The following IL4I1 variants were observed in gnomAD, a reference collection of about 807,000 sequenced individuals.
IL4I1 encodes interleukin 4 induced 1, also known as L-amino-acid oxidase.
A neutral mutation model predicts 29.7 loss-of-function variants in IL4I1; 24 were observed. That is an observed-to-expected ratio of 0.81 (90% CI 0.59 to 1.14). The LOEUF (loss-of-function observed/expected upper bound fraction) is 1.14. Among genes scored for constraint, IL4I1 ranks in the 50% most tolerant of loss-of-function variants. IL4I1 has a pLI of 0.00. For missense variants in IL4I1, 686 were observed against 785.6 expected (o/e 0.87, Z 1.52); for synonymous variants, 371 against 352.5 (o/e 1.05, Z -0.59).
intron 1 of IL4I1, 76 bp downstream of exon 1, chr19:49,896,759 A>G (rs2075216937): frequency 1.1e-5 from 10 of 896,834 alleles, no homozygotes; most frequent in Non-Finnish European, 1.3e-5. Flanking sequence ...TCATCTCCCC[A>G]GCTCCTGACT....
intron 1 of IL4I1, among the ~76,000 whole-genome samples, 195 bp downstream of exon 1, chr19:49,896,640 G>C (rs1486702213): frequency 1.3e-5 from 2 of 152,034 alleles, no homozygotes; most frequent in African/African-American, 4.8e-5. Flanking sequence ...CGCCATGTTG[G>C]CCAGGCTGGT....
chr19:49,920,847 C>T (rs367630519), intron 2 of IL4I1, among the ~76,000 whole-genome samples: 16 of 152,264 alleles, frequency 1.1e-4, no homozygotes, highest in East Asian at 1.9e-4. Context: ...GGGGGAGGAA[C>T]GGCGCACACC....
chr19:49,895,193 G>A lies in IL4I1; in HGVS notation c.253-13C>T, dbSNP rs756871280. The stretch of plus-strand genomic sequence containing the variant: ...CCAGGATGGTGACCTGAGGGAGTCC[G>A]TGGGGCGAGGAGGGCCCTTCAGCTC... On this transcript the variant is annotated splice_polypyrimidine_tract_variant and intron_variant, in intron 3 of 7. Transcript: ENST00000391826. 23 of 1,607,574 alleles carry A rather than the reference G, an allele frequency of 1.4e-5. No homozygotes were observed. The South Asian group carries it at 2.0e-4, about 14-fold the overall frequency.
At chr19:49,914,781 C>A (rs111928045) in intron 2 of IL4I1, among the ~76,000 whole-genome samples, 1 of 136,876 alleles carries the variant, frequency 7.3e-6, no homozygotes, top group Non-Finnish European at 1.5e-5. Context: ...GCTCTGCCAC[C>A]CAGGCTGGAG....
rs1381949729 is a variant in IL4I1 at position 49,889,769 on chromosome 19, G to T, written c.1605C>A (p.Ser535Arg). Residue 535 changes from serine to arginine, a missense_variant, in exon 8 of 8, where the codon AGC becomes AGA. By Grantham distance (110) the Ser-to-Arg change is moderately radical (BLOSUM62 -1). Coordinates refer to ENST00000391826, the MANE Select transcript of IL4I1 (RefSeq NM_152899.2). The part of the protein sequence containing the change: ...EGQGHVHGVA[S>R]SPSHDLAKEE... ...CCTTTGCCAGGTCATGCGAGGGGCT[G>T]CTGGCCACCCCATGCACATGCCCCT... The T allele has an allele frequency of 2.0e-6, 3 of 1,525,482 alleles. No homozygotes were observed. The highest frequency in any genetic ancestry group is 2.6e-6 in the Non-Finnish European group (3 of 1,136,814). The allele number at this position is 1,525,482 out of a possible 1,614,324, so 94.5% of individuals were successfully genotyped here. A position where few individuals can be genotyped will look rare whatever the true frequency, so the allele number is the denominator to read the frequency against.
At chr19:49,900,352 C>T (rs2075260841), upstream of IL4I1, among the ~76,000 whole-genome samples, 1 of 152,172 alleles carries the variant, frequency 6.6e-6, no homozygotes. Context: ...GTGGTGTGAT[C>T]TCAGTTCACT....
Position 49,891,063 on chromosome 19 carries a change from C to T in IL4I1, c.681G>A (p.Gln227=). Residue 227 remains glutamine, a synonymous_variant, in exon 7 of 8, where the codon CAG becomes CAA. Coordinates refer to ENST00000391826, the MANE Select transcript of IL4I1 (RefSeq NM_152899.2). ...CCTCGGACATCACGTCTCCCAGAAG[C>T]TGCACGGCCGGCCGGCTCAGGTTCC... ...GEGNLSRPAV[Q]LLGDVMSEDG... The T allele has an allele frequency of 6.8e-6, 11 of 1,613,620 alleles. No homozygotes were observed. Among genetic ancestry groups the T allele is most frequent in the Non-Finnish European group, 9.3e-6 (11 of 1,179,966 alleles).
chr19:49,925,580 T>G (rs534511494), intron 2 of IL4I1, among the ~76,000 whole-genome samples: 100 of 152,210 alleles, frequency 6.6e-4, no homozygotes, highest in South Asian at 1.7e-3. Flanking sequence ...GTCAAGGTCA[T>G]GAAGGACAAG....
chr19:49,890,929 G>GGGCCCCC, intron 7 of IL4I1, 42 bp downstream of exon 7: 3 of 454,452 alleles, frequency 6.6e-6, no homozygotes, highest in Non-Finnish European at 1.1e-5. Flanking sequence ...TTCCCTGATT[G>GGGCCCCC]CCCCCCGCCC....
chr19:49,892,631 C>G (rs189256068), intron 5 of IL4I1, among the ~76,000 whole-genome samples: 1 of 152,332 alleles, frequency 6.6e-6, no homozygotes, highest in East Asian at 1.9e-4. Context: ...TCGAATCTCA[C>G]CCCCTCCCAG....
At chr19:49,920,266 A>G (rs924300882) in intron 2 of IL4I1, among the ~76,000 whole-genome samples, 1 of 152,208 alleles carries the variant, frequency 6.6e-6, no homozygotes, top group Non-Finnish European at 1.5e-5. Context: ...TATTTTTAGT[A>G]GAGACGGGGT....
At chr19:49,897,641 C>T (rs951931041), upstream of IL4I1, among the ~76,000 whole-genome samples, 10 of 152,288 alleles carry the variant, frequency 6.6e-5, no homozygotes, top group South Asian at 2.1e-4. Flanking sequence ...CAGAGGGAAG[C>T]GCCCAGGCTT....
intron 7 of IL4I1, 107 bp from the exon 8 acceptor site, chr19:49,890,707 G>T: frequency 2.4e-6 from 2 of 834,928 alleles, no homozygotes; most frequent in East Asian, 3.6e-5. Context: ...GCACCGGCCC[G>T]CTCCCCCGTC....
At chr19:49,913,785 G>T (rs2075545746) in intron 2 of IL4I1, among the ~76,000 whole-genome samples, 1 of 152,182 alleles carries the variant, frequency 6.6e-6, no homozygotes. Context: ...GTGGTCTTGG[G>T]GACTGTGGGC....
upstream of IL4I1, among the ~76,000 whole-genome samples, chr19:49,897,175 G>A (rs1266746203): frequency 2.0e-5 from 3 of 152,188 alleles, no homozygotes; most frequent in Non-Finnish European, 4.4e-5. Context: ...CTGATCACCA[G>A]GCCACTTGTT....
chr19:49,890,928 T>TGGGGGG, intron 7 of IL4I1, 43 bp downstream of exon 7: 4 of 633,144 alleles, frequency 6.3e-6, no homozygotes, highest in Non-Finnish European at 4.9e-6. Context: ...TTTCCCTGAT[T>TGGGGGG]GCCCCCCGCC....
At chr19:49,905,251 A>C (rs1490954690) in intron 2 of IL4I1, among the ~76,000 whole-genome samples, 1 of 152,270 alleles carries the variant, frequency 6.6e-6, no homozygotes. Flanking sequence ...AAATTTTCTC[A>C]TCATGATTGT....
intron 2 of IL4I1, among the ~76,000 whole-genome samples, chr19:49,920,617 A>G (rs1186090133): frequency 1.3e-5 from 2 of 152,218 alleles, no homozygotes; most frequent in Non-Finnish European, 2.9e-5. Context: ...TCAGGCTCAG[A>G]GCTGACTTTA....
In IL4I1 at chr19:49,921,193, T is replaced by G. The variant is rs995168714; in HGVS notation, c.-228+6501A>C. ...GCAATGTGACGAAGCGAAACTATCATGGCTCCCATTTATAAATGAGCAAAC... is the reference window on the plus strand; with the variant it reads ...GCAATGTGACGAAGCGAAACTATCAGGGCTCCCATTTATAAATGAGCAAAC... On this transcript the variant is annotated intron_variant, in intron 2 of 9. Transcript: ENST00000341114. This position sits in a 1 kb window ranked among gnomAD's most constrained non-coding sequence, Gnocchi z 5.4. Among the ~76,000 whole-genome samples, 2 of 152,152 alleles carry G rather than the reference T, an allele frequency of 1.3e-5. No individual in the cohort carries two copies. The highest frequency in any genetic ancestry group is 4.8e-5 in the African/African-American group (2 of 41,436).
Sources: allele counts gnomAD v4.1 joint callset (sites outside exome capture counted in the v4.1 genomes callset), GRCh38; gene constraint gnomAD v4.1.1; non-coding constraint Gnocchi (gnomAD v3.1); transcripts MANE v1.5; gene names NCBI Gene and HGNC (gene_info 2026-07-23, HGNC 2026-07-21).